AKT3: variants seen among roughly 807,000 people sequenced by gnomAD.
AKT3 encodes AKT serine/threonine kinase 3.
AKT3 carries 15 observed loss-of-function variants against 65.3 expected under a neutral mutation model. The ratio of observed to expected loss-of-function variants is 0.23; its 90% CI spans 0.15 to 0.35. The LOEUF (loss-of-function observed/expected upper bound fraction) is 0.35. Among genes scored for constraint, AKT3 ranks in the 10% least tolerant of loss-of-function variants. AKT3 has a pLI of 1.00. For missense variants in AKT3, 243 were observed against 576.5 expected (o/e 0.42, Z 5.92); for synonymous variants, 206 against 183.8 (o/e 1.12, Z -0.98).
chr1:243,545,646 C>A, intron 11 of AKT3, 49 bp from the exon 12 acceptor site: 1 of 1,302,852 alleles, frequency 7.7e-7, no homozygotes, highest in South Asian at 1.2e-5. Flanking sequence ...TTTACATAAG[C>A]TCAAAGCATA....
chr1:243,729,551 C>A (rs941600113), intron 2 of AKT3, among the ~76,000 whole-genome samples: 4 of 152,040 alleles, frequency 2.6e-5, no homozygotes, highest in Non-Finnish European at 4.4e-5. Flanking sequence ...TAATTTCACT[C>A]ATAAAAATCT....
At chr1:243,827,701 C>T (rs1035688677) in intron 2 of AKT3, among the ~76,000 whole-genome samples, 1 of 152,092 alleles carries the variant, frequency 6.6e-6, no homozygotes, top group Non-Finnish European at 1.5e-5. Flanking sequence ...ACGTACTTGT[C>T]GCTTTAGTAC....
chr1:243,640,517 G>A (rs1362085644), intron 5 of AKT3, among the ~76,000 whole-genome samples: 1 of 152,116 alleles, frequency 6.6e-6, no homozygotes, highest in Non-Finnish European at 1.5e-5. Flanking sequence ...TCTCTCTCTT[G>A]GAAAGCTCTA....
chr1:243,751,077 T>C (rs1357229099), intron 2 of AKT3, among the ~76,000 whole-genome samples: 1 of 152,164 alleles, frequency 6.6e-6, no homozygotes, highest in Non-Finnish European at 1.5e-5. Flanking sequence ...ATTTTACTTG[T>C]GAAAACTGCT....
At chr1:243,606,176 T>C (rs557022549) in intron 8 of AKT3, among the ~76,000 whole-genome samples, 7 of 152,276 alleles carry the variant, frequency 4.6e-5, no homozygotes, top group Admixed American at 2.0e-4. Context: ...ATACAGTACA[T>C]TGGTACCACA....
chr1:243,495,253 C>G (rs531720965), downstream of AKT3, among the ~76,000 whole-genome samples: 43 of 152,346 alleles, frequency 2.8e-4, no homozygotes, highest in African/African-American at 9.6e-4. Flanking sequence ...GGGGCCGCCT[C>G]CCTCTCCCCG....
intron 4 of AKT3, among the ~76,000 whole-genome samples, chr1:243,651,067 C>G (rs539340022): frequency 6.6e-6 from 1 of 152,124 alleles, no homozygotes; most frequent in African/African-American, 2.4e-5. Context: ...TTTGTGTCCT[C>G]TTATTTCCTT....
chr1:243,771,395 T>C (rs183341352), intron 2 of AKT3, among the ~76,000 whole-genome samples: 1 of 152,290 alleles, frequency 6.6e-6, no homozygotes, highest in Admixed American at 6.5e-5. Context: ...CCCTGGCACA[T>C]GTAAGTACTT....
intron 4 of AKT3, among the ~76,000 whole-genome samples, chr1:243,662,905 T>C (rs2147913626): frequency 6.6e-6 from 1 of 152,256 alleles, no homozygotes; most frequent in South Asian, 2.1e-4. Flanking sequence ...GAGTAGTATA[T>C]TATTACAGGA....
chr1:243,585,395 A>C (rs1215538922), intron 8 of AKT3, among the ~76,000 whole-genome samples: 1 of 152,130 alleles, frequency 6.6e-6, no homozygotes, highest in Non-Finnish European at 1.5e-5. Context: ...AAAAACTACA[A>C]AATTAACAAG....
chr1:243,548,935 T>A (rs1277369423), intron 11 of AKT3, among the ~76,000 whole-genome samples: 1 of 152,050 alleles, frequency 6.6e-6, no homozygotes, highest in Non-Finnish European at 1.5e-5. Flanking sequence ...AATGAAGAGG[T>A]GTATTATAAT....
Position 243,501,579 on chromosome 1 carries a change from G to A in AKT3, c.*3670C>T, listed in dbSNP as rs1171065227. On this transcript the variant is annotated 3_prime_UTR_variant, in exon 14 of 14. Transcript: ENST00000673466. ...ACAACCGCACTACTGCCATTTCACT[G>A]AAGTAAAAATGATCCCCTATGTGTG... 5 of 233,060 alleles carry A rather than the reference G, an allele frequency of 2.1e-5. No homozygotes were observed. The East Asian group carries it at 3.0e-4, about 14-fold the overall frequency. 14.4% of individuals were successfully genotyped at this position (233,060 alleles called of 1,614,324 possible). A position where few individuals can be genotyped will look rare whatever the true frequency, so the allele number is the denominator to read the frequency against.
intron 1 of AKT3, 67 bp downstream of exon 1, chr1:243,849,973 G>C: frequency 1.7e-5 from 16 of 964,084 alleles, no homozygotes; most frequent in Non-Finnish European, 1.9e-5. Context: ...GCGGACCGGG[G>C]CCCGGGGCCC....
At chr1:243,636,392 TA>T (rs1679974102) in intron 6 of AKT3, among the ~76,000 whole-genome samples, 1 of 151,950 alleles carries the variant, frequency 6.6e-6, no homozygotes, top group African/African-American at 2.4e-5. Flanking sequence ...AATAAAGGCA[TA>T]AAAAGTTGGA....
chr1:243,489,839 G>A (rs1665945452), intron 13 of AKT3, among the ~76,000 whole-genome samples: 2 of 152,304 alleles, frequency 1.3e-5, no homozygotes, highest in East Asian at 1.9e-4. Context: ...GGTTAGATCC[G>A]GGGCCACCAG....
chr1:243,803,675 CACACACACACACACACAT>C (rs957729720), intron 2 of AKT3, among the ~76,000 whole-genome samples: 7 of 151,174 alleles, frequency 4.6e-5, no homozygotes, highest in African/African-American at 1.5e-4. Context: ...CACACACACA[CACACACACACACACACAT>C]AAGACTGAAA....
At chr1:243,736,252 G>T (rs1314180699) in intron 2 of AKT3, among the ~76,000 whole-genome samples, 12 of 152,144 alleles carry the variant, frequency 7.9e-5, no homozygotes, top group Admixed American at 5.9e-4. Flanking sequence ...TTGTTCTAAA[G>T]CTTAGGTTAT....
Position 243,502,487 on chromosome 1 carries a change from A to G in AKT3, c.*2762T>C. 1 of 233,268 alleles carries G rather than the reference A, an allele frequency of 4.3e-6. No individual in the cohort carries two copies. Among genetic ancestry groups the G allele is most frequent in the East Asian group, 6.0e-5 (1 of 16,590 alleles). 14.4% of individuals were successfully genotyped at this position (233,268 alleles called of 1,614,324 possible). On this transcript the variant is annotated 3_prime_UTR_variant, in exon 14 of 14. Transcript: ENST00000673466. ...GAAGTCAAGCTTCATGACAGTTAGT[A>G]TGGGCTGGAGTCTGCAAAGTCTGAA...
At chr1:243,765,741 T>C (rs900169029) in intron 2 of AKT3, among the ~76,000 whole-genome samples, 12 of 152,174 alleles carry the variant, frequency 7.9e-5, no homozygotes, top group African/African-American at 2.9e-4. Context: ...AATCTAAAAA[T>C]AATCTCTATT....
Sources: gnomAD v4.1 joint callset for allele counts (sites outside exome capture counted in the v4.1 genomes callset) on GRCh38, gnomAD v4.1.1 for gene constraint, MANE v1.5 for transcripts, NCBI Gene and HGNC (gene_info 2026-07-23, HGNC 2026-07-21) for gene names.